MECOM: variants seen among roughly 807,000 people sequenced by gnomAD.
MECOM encodes the protein histone-lysine N-methyltransferase MECOM.
MECOM carries 13 observed loss-of-function variants against 116.3 expected under a neutral mutation model. That is an observed-to-expected ratio of 0.11 (90% CI 0.07 to 0.18). The LOEUF (loss-of-function observed/expected upper bound fraction) is 0.18, where lower values mean the gene tolerates loss of function less well. Ranked by LOEUF, MECOM falls within the 10% of genes least tolerant of loss-of-function variation. The probability of loss-of-function intolerance (pLI) is 1.00; values close to 1 mark genes in which losing one functional copy is unlikely to be tolerated. For synonymous variants in MECOM, 528 were observed against 535.2 expected, an observed-to-expected ratio of 0.99 and a Z score of 0.19; for missense variants, 1,299 against 1,509.0, an observed-to-expected ratio of 0.86 and a Z score of 2.31.
At chr3:169,625,629 T>C (rs1200598078) in intron 1 of MECOM, among the ~76,000 whole-genome samples, 2 of 152,234 alleles carry the variant, frequency 1.3e-5, no homozygotes, top group African/African-American at 4.8e-5. Context: ...ATCTTTCATC[T>C]GAAAGACTGA....
intron 2 of MECOM, among the ~76,000 whole-genome samples, chr3:169,317,035 T>A (rs1368917740): frequency 6.6e-6 from 1 of 152,212 alleles, no homozygotes; most frequent in Non-Finnish European, 1.5e-5. Flanking sequence ...GACTTAACTA[T>A]TTCCCAGCGT....
intron 1 of MECOM, among the ~76,000 whole-genome samples, chr3:169,661,580 C>G (rs1404656034): frequency 6.6e-6 from 1 of 152,046 alleles, no homozygotes; most frequent in Non-Finnish European, 1.5e-5. Flanking sequence ...GGAAATGTAT[C>G]GGGGAGTGTA....
At chr3:169,409,631 T>C (rs539452824) in intron 1 of MECOM, among the ~76,000 whole-genome samples, 3 of 152,360 alleles carry the variant, frequency 2.0e-5, no homozygotes, top group Admixed American at 6.5e-5. Flanking sequence ...TTTAAATACA[T>C]TTGTTTTTCA....
chr3:169,508,557 C>T (rs913784597), intron 1 of MECOM, among the ~76,000 whole-genome samples: 1 of 152,236 alleles, frequency 6.6e-6, no homozygotes, highest in Non-Finnish European at 1.5e-5. Flanking sequence ...TTGTGAGACT[C>T]TTCTTACCCA....
intron 1 of MECOM, among the ~76,000 whole-genome samples, chr3:169,551,404 A>C (rs1449512870): frequency 2.0e-5 from 3 of 152,222 alleles, no homozygotes; most frequent in Non-Finnish European, 2.9e-5. Context: ...TGAAATGCCA[A>C]AAATTCTCAT....
chr3:169,127,588 C>T (rs1733287863), intron 5 of MECOM, among the ~76,000 whole-genome samples: 1 of 152,042 alleles, frequency 6.6e-6, no homozygotes, highest in East Asian at 1.9e-4. Context: ...AAAGTTAAGC[C>T]TTCAGTTTTT....
intron 2 of MECOM, among the ~76,000 whole-genome samples, chr3:169,249,258 C>G (rs1008122106): frequency 3.9e-5 from 6 of 152,144 alleles, no homozygotes; most frequent in African/African-American, 1.4e-4. Context: ...GGAAGGGAAG[C>G]TACCATAACT....
intron 1 of MECOM, among the ~76,000 whole-genome samples, chr3:169,651,381 A>C (rs1369425395): frequency 6.6e-6 from 1 of 152,222 alleles, no homozygotes; most frequent in East Asian, 1.9e-4. Context: ...ATGGTGGATT[A>C]TCTTTTTGAT....
chr3:169,663,607 T>C lies in MECOM; in HGVS notation c.-235A>G. On this transcript the variant is annotated 5_prime_UTR_variant, in exon 1 of 17. Coordinates refer to ENST00000651503, the MANE Select transcript of MECOM (RefSeq NM_004991.4). ...CTGTATTTTCTTCTTTCACTCTCTC[T>C]CCCTCCCTCTCTCCCTTTCTCTCAA... 1.7e-6 allele frequency: 1 copy of C among 580,196 alleles called. No individual in the cohort carries two copies. Among genetic ancestry groups the C allele is most frequent in the East Asian group, 2.9e-5 (1 of 35,080 alleles). The allele number at this position is 580,196 out of a possible 1,614,324, so 35.9% of individuals were successfully genotyped here.
chr3:169,438,068 T>C (rs1452289579), intron 1 of MECOM, among the ~76,000 whole-genome samples: 2 of 152,194 alleles, frequency 1.3e-5, no homozygotes, highest in Non-Finnish European at 2.9e-5. Flanking sequence ...CCATTTTATA[T>C]GTAAGGAAAT....
At chr3:169,101,748 A>G (rs1419299138) in intron 11 of MECOM, among the ~76,000 whole-genome samples, 1 of 152,198 alleles carries the variant, frequency 6.6e-6, no homozygotes, top group Non-Finnish European at 1.5e-5. Flanking sequence ...GTAGTAGTAT[A>G]CCTTTAGATG....
chr3:169,362,035 C>T (rs948484234), intron 2 of MECOM, among the ~76,000 whole-genome samples: 1 of 151,874 alleles, frequency 6.6e-6, no homozygotes, highest in African/African-American at 2.4e-5. Context: ...ATATAAAACA[C>T]AACTAGACAC....
At chr3:169,654,798 AC>A (rs1775329819) in intron 1 of MECOM, among the ~76,000 whole-genome samples, 1 of 143,454 alleles carries the variant, frequency 7.0e-6, no homozygotes, top group East Asian at 2.1e-4. Flanking sequence ...TGTAATAAGT[AC>A]TTCCACCTAT....
chr3:169,230,297 T>C (rs1215390845), intron 2 of MECOM, among the ~76,000 whole-genome samples: 1 of 152,214 alleles, frequency 6.6e-6, no homozygotes, highest in East Asian at 1.9e-4. Flanking sequence ...CTTAGCCAGC[T>C]TTTTTCTTTC....
At chr3:169,140,438 T>C (rs12631447) in intron 3 of MECOM, among the ~76,000 whole-genome samples, 98,143 of 151,834 alleles carry the variant, frequency 0.65, 32,283 homozygotes, top group African/African-American at 0.74. Flanking sequence ...GCTTCTTTCA[T>C]AGAGGTAAAT....
chr3:169,338,018 A>G (rs1044264809), intron 2 of MECOM, among the ~76,000 whole-genome samples: 1 of 152,234 alleles, frequency 6.6e-6, no homozygotes, highest in Non-Finnish European at 1.5e-5. Context: ...AAGAGAATTC[A>G]TAAGTGCTGC....
chr3:169,490,665 T>C (rs1371143891), intron 1 of MECOM, among the ~76,000 whole-genome samples: 3 of 152,168 alleles, frequency 2.0e-5, no homozygotes, highest in Non-Finnish European at 4.4e-5. Context: ...CTGTAGCTTG[T>C]GATGGAACAT....
At chr3:169,360,319 C>CAAAAAAAAAAAAAAAAAAAAAAAAA in intron 2 of MECOM, among the ~76,000 whole-genome samples, 1 of 87,840 alleles carries the variant, frequency 1.1e-5, no homozygotes, top group Non-Finnish European at 2.2e-5. Flanking sequence ...AAAGTTACAC[C>CAAAAAAAAAAAAAAAAAAAAAAAAA]AAAAAAAAAA....
At chr3:169,298,178 G>T (rs185787731) in intron 2 of MECOM, among the ~76,000 whole-genome samples, 1 of 152,040 alleles carries the variant, frequency 6.6e-6, no homozygotes, top group African/African-American at 2.4e-5. Context: ...TTTTATTTAC[G>T]GAGTGGATTA....
Sources: allele counts gnomAD v4.1 joint callset (sites outside exome capture counted in the v4.1 genomes callset), GRCh38; gene constraint gnomAD v4.1.1; transcripts MANE v1.5; gene names NCBI Gene and HGNC (gene_info 2026-07-23, HGNC 2026-07-21).